Variants in RIMBP2 observed in about 807,000 individuals in gnomAD.
RIMBP2 encodes RIMS-binding protein 2.
In RIMBP2, 48 loss-of-function variants were observed where a neutral mutation model predicts 118.6. The observed-to-expected ratio is 0.40, with a 90% CI of 0.32 to 0.51. RIMBP2 has a LOEUF of 0.51. RIMBP2 is among the 20% of genes least tolerant of loss of function. RIMBP2 has a pLI of 0.41. For missense variants in RIMBP2, 1,551 were observed against 1,768.3 expected (o/e 0.88, Z 2.20); for synonymous variants, 762 against 742.9 (o/e 1.03, Z -0.42).
chr12:130,427,560 C>T (rs2076873766), intron 15 of RIMBP2: 1 of 152,348 alleles, frequency 6.6e-6, no homozygotes, highest in African/African-American at 2.4e-5. Flanking sequence ...AATATTCCTG[C>T]AGGTAACTGC....
Position 130,424,669 on chromosome 12 carries a change from T to TGGGCTCTCTGGCCAGCCCCGTCCTGGCCC in RIMBP2, c.2573_2601dup (p.Arg868GlyfsTer29), listed in dbSNP as rs2076658475. ...TCGCCCCTGTAGGGCCTGCCGGGCCTGGGCTCTCTGGCCAGCCCCGTCCTG... is the reference window on the plus strand; with the variant it reads ...TCGCCCCTGTAGGGCCTGCCGGGCCTGGGCTCTCTGGCCAGCCCCGTCCTGGCCCGGGCTCTCTGGCCAGCCCCGTCCTG... On this transcript the variant is annotated frameshift_variant, in exon 16 of 23. Coordinates refer to ENST00000690449, the MANE Select transcript of RIMBP2 (RefSeq NM_001393629.1). LOFTEE classifies it high-confidence loss of function. This position sits in a 1 kb window ranked among gnomAD's most constrained non-coding sequence, Gnocchi z 9.8. 8.1e-7 allele frequency: 1 copy of TGGGCTCTCTGGCCAGCCCCGTCCTGGCCC among 1,231,652 alleles called. No individual in the cohort carries two copies. The highest frequency in any genetic ancestry group is 1.0e-6 in the Non-Finnish European group (1 of 987,866). The allele number at this position is 1,231,652 out of a possible 1,614,324, so 76.3% of individuals were successfully genotyped here.
At chr12:130,513,839 T>C (rs2051163997) in intron 3 of RIMBP2, among the ~76,000 whole-genome samples, 1 of 152,254 alleles carries the variant, frequency 6.6e-6, no homozygotes, top group South Asian at 2.1e-4. Flanking sequence ...TCAGTGCTAC[T>C]GAAAAGCATT....
chr12:130,693,085 G>A (rs1335969154), intron 1 of RIMBP2, among the ~76,000 whole-genome samples: 2 of 152,048 alleles, frequency 1.3e-5, no homozygotes, highest in African/African-American at 2.4e-5. Flanking sequence ...CCTAAGACAC[G>A]ATTTGAACAC....
chr12:130,708,629 T>C (rs1247983309), intron 1 of RIMBP2, among the ~76,000 whole-genome samples: 1 of 152,014 alleles, frequency 6.6e-6, no homozygotes, highest in African/African-American at 2.4e-5. Context: ...GAGGCTGCAG[T>C]GAACCGGGAT....
At chr12:130,410,312 A>G (rs890269746) in intron 19 of RIMBP2, among the ~76,000 whole-genome samples, 3 of 151,940 alleles carry the variant, frequency 2.0e-5, no homozygotes, top group African/African-American at 7.3e-5. Context: ...ACTTGCAAGG[A>G]TTTTCTGCCA....
chr12:130,585,419 A>G (rs1188001377), intron 2 of RIMBP2, among the ~76,000 whole-genome samples: 1 of 152,168 alleles, frequency 6.6e-6, no homozygotes, highest in Non-Finnish European at 1.5e-5. Flanking sequence ...ACTCAGTATT[A>G]GCACACATGA....
chr12:130,471,508 T>C (rs2081002447), intron 5 of RIMBP2, among the ~76,000 whole-genome samples: 1 of 151,994 alleles, frequency 6.6e-6, no homozygotes, highest in South Asian at 2.1e-4. Flanking sequence ...GTTCCTTGAG[T>C]CTCACTAACT....
At chr12:130,589,635 T>C (rs1439965004) in intron 2 of RIMBP2, among the ~76,000 whole-genome samples, 1 of 152,160 alleles carries the variant, frequency 6.6e-6, no homozygotes, top group African/African-American at 2.4e-5. Flanking sequence ...ACTAAATAGG[T>C]GAGGTGATGG....
chr12:130,404,222 C>T (rs12305517), intron 21 of RIMBP2, among the ~76,000 whole-genome samples: 1 of 152,026 alleles, frequency 6.6e-6, no homozygotes, highest in East Asian at 1.9e-4. Context: ...ACACACTTTT[C>T]CAACATGTTT....
rs536996512 is a variant in RIMBP2 at position 130,665,150 on chromosome 12, C to T, written c.-351-36694G>A. Among the ~76,000 whole-genome samples the T allele has an allele frequency of 4.6e-5, 7 of 151,828 alleles. No homozygotes were observed. In the South Asian group the frequency reaches 1.5e-3, roughly 31 times the overall value. ...GAATTTCACAGGAGAGCAATTCAAC[C>T]ATGTGATCAAGTTAACATCCCCAGT... On this transcript the variant is annotated intron_variant, in intron 1 of 22. Coordinates refer to ENST00000690449, the MANE Select transcript of RIMBP2 (RefSeq NM_001393629.1).
chr12:130,585,409 A>G lies in RIMBP2; in HGVS notation c.-217+42913T>C, dbSNP rs78404452. Among the ~76,000 whole-genome samples the G allele has an allele frequency of 1.8e-3, 272 of 152,248 alleles. 2 individuals carry two copies. Among genetic ancestry groups the G allele is most frequent in the African/African-American group, 6.5e-3 (268 of 41,540 alleles). ...AGCCCACACACATTTTGTTTGGTCTACTCAGTATTAGCACACATGAAAATG... is the reference window on the plus strand; with the variant it reads ...AGCCCACACACATTTTGTTTGGTCTGCTCAGTATTAGCACACATGAAAATG... On this transcript the variant is annotated intron_variant, in intron 2 of 22. Transcript: ENST00000690449.
rs546590354 is a variant in RIMBP2, at chr12:130,676,622, C to CAA, written c.-352+39598_-352+39599dup. 7.4e-5 allele frequency among the ~76,000 whole-genome samples: 10 copies of CAA among 134,364 alleles called. 1 individual carries two copies. Among genetic ancestry groups the CAA allele is most frequent in the African/African-American group, 2.7e-4 (10 of 36,440 alleles). 88.1% of individuals were successfully genotyped at this position (134,364 alleles called of 152,430 possible). On this transcript the variant is annotated intron_variant, in intron 1 of 22. Transcript: ENST00000690449. ...TGGGTGACAGAGCGAGAGTCTGTCT[C>CAA]AAAAAAAAAAAGAAAAAAGAAAAGA...
intron 2 of RIMBP2, among the ~76,000 whole-genome samples, chr12:130,549,226 T>C (rs1400032055): frequency 6.6e-6 from 1 of 152,064 alleles, no homozygotes; most frequent in Non-Finnish European, 1.5e-5. Context: ...CAAATCCAAA[T>C]AAAAACAGCC....
rs1454645956 is a variant in RIMBP2, at chr12:130,627,573, C to T, written c.-217+749G>A. ...TCAGTCGGGTAACTCAAACTCAAAACTGGGCTTCGGCGCAAACCTGAATGT... is the reference window on the plus strand; with the variant it reads ...TCAGTCGGGTAACTCAAACTCAAAATTGGGCTTCGGCGCAAACCTGAATGT... On this transcript the variant is annotated intron_variant, in intron 2 of 22. Transcript: ENST00000690449. 2.0e-5 allele frequency among the ~76,000 whole-genome samples: 3 copies of T among 152,194 alleles called. No homozygotes were observed. In the East Asian group the frequency reaches 5.8e-4, roughly 29 times the overall value.
At chr12:130,479,904 G>A (rs1031425068) in intron 4 of RIMBP2, among the ~76,000 whole-genome samples, 3 of 151,646 alleles carry the variant, frequency 2.0e-5, no homozygotes, top group African/African-American at 7.3e-5. Flanking sequence ...CCCTCTGCGG[G>A]CCCTTCCCTC....
chr12:130,712,664 A>G (rs1950004745), intron 1 of RIMBP2, among the ~76,000 whole-genome samples: 1 of 152,222 alleles, frequency 6.6e-6, no homozygotes, highest in Non-Finnish European at 1.5e-5. Flanking sequence ...CTCTAAAATC[A>G]TGATAAAAGT....
chr12:130,648,010 CACACACATGTGAACACACGTGTGT>C lies in RIMBP2; in HGVS notation c.-351-19578_-351-19555del, dbSNP rs1176213388. On this transcript the variant is annotated intron_variant, in intron 1 of 22. Coordinates refer to ENST00000690449, the MANE Select transcript of RIMBP2 (RefSeq NM_001393629.1). ...TGGATAACACATGCACACACGTGTG[CACACACATGTGAACACACGTGTGT>C]ACACACCCGCCTCACGTGGTACAGA... 1.8e-4 allele frequency among the ~76,000 whole-genome samples: 26 copies of C among 146,600 alleles called. 3 individuals carry two copies. Among genetic ancestry groups the C allele is most frequent in the African/African-American group, 6.1e-4 (25 of 41,012 alleles).
At chr12:130,480,237 C>CACACACACACG (rs59071818) in intron 4 of RIMBP2, among the ~76,000 whole-genome samples, 2,655 of 150,268 alleles carry the variant, frequency 0.018, 49 homozygotes, top group East Asian at 0.028. Flanking sequence ...ACACACACAC[C>CACACACACACG]TGTGGTAACT....
In RIMBP2 at chr12:130,450,231, C is replaced by A; in HGVS notation, c.550G>T (p.Gly184Trp). ...NSNTSKQRYS[G>W]KVHLCVARYS... is the part of the protein sequence containing the mutation. Reference sequence around the variant, plus strand: ...CGGGCAACACAGAGGTGGACCTTCCCCGAGTATCTCTGCTTGGAGGTATTG... The same window carrying A: ...CGGGCAACACAGAGGTGGACCTTCCACGAGTATCTCTGCTTGGAGGTATTG... The change falls in exon 9 of 23, where the codon GGG becomes TGG. Residue 184 changes from glycine (G) to tryptophan (W), a missense_variant. Physicochemically the swap from Gly to Trp is radical, Grantham distance 184. This residue lies in a region of RIMBP2 where 239 missense variants were observed against 256.8 expected (regional missense o/e 0.93). Transcript: ENST00000690449. The surrounding 1 kb of genome is among the most constrained non-coding windows in gnomAD (Gnocchi z 4.8). 1 of 1,609,574 alleles carries A rather than the reference C, an allele frequency of 6.2e-7. No individual in the cohort carries two copies. Among genetic ancestry groups the A allele is most frequent in the Non-Finnish European group, 8.5e-7 (1 of 1,177,626 alleles).
Sources: allele counts gnomAD v4.1 joint callset (sites outside exome capture counted in the v4.1 genomes callset), GRCh38; gene constraint gnomAD v4.1.1; regional missense constraint gnomAD v4.1.1; non-coding constraint Gnocchi (gnomAD v3.1); transcripts MANE v1.5; gene names NCBI Gene and HGNC (gene_info 2026-07-23, HGNC 2026-07-21).